ADNP: variants seen among roughly 807,000 people sequenced by gnomAD.
ADNP encodes activity-dependent neuroprotector homeobox protein.
ADNP carries 4 observed loss-of-function variants against 84.9 expected under a neutral mutation model. The observed-to-expected ratio is 0.05, with a 90% CI of 0.02 to 0.11. The LOEUF (loss-of-function observed/expected upper bound fraction) is 0.11. ADNP is among the 10% of genes least tolerant of loss of function. The pLI is 1.00. For missense variants in ADNP, 1,132 were observed against 1,326.0 expected, an observed-to-expected ratio of 0.85 and a Z score of 2.27; for synonymous variants, 554 against 468.1, an observed-to-expected ratio of 1.18 and a Z score of -2.37.
intron 5 of ADNP, among the ~76,000 whole-genome samples, chr20:50,899,951 C>G (rs1174609194): frequency 1.4e-5 from 2 of 146,440 alleles, no homozygotes; most frequent in Non-Finnish European, 3.0e-5. Flanking sequence ...TGGAAGGGGA[C>G]CCGGGCAGGT....
intron 2 of ADNP, chr20:50,905,512 A>G (rs944094261): frequency 3.9e-5 from 6 of 152,242 alleles, no homozygotes; most frequent in African/African-American, 1.4e-4. Flanking sequence ...AAAAATGGAA[A>G]ATAAAAGGAG....
At chr20:50,919,173 C>T (rs909700089) in intron 2 of ADNP, among the ~76,000 whole-genome samples, 1 of 151,884 alleles carries the variant, frequency 6.6e-6, no homozygotes, top group Non-Finnish European at 1.5e-5. Context: ...TGCAGCAGGA[C>T]AAGGGTGCCA....
At position 50,914,337 on chromosome 20, in the gene ADNP, G is replaced by A. The variant is rs570992327; in HGVS notation, c.-89-9488C>T. 7.5e-6 allele frequency: 5 copies of A among 670,042 alleles called. No homozygotes were observed. In the South Asian group the frequency reaches 8.3e-5, roughly 11 times the overall value. 41.5% of individuals were successfully genotyped at this position (670,042 alleles called of 1,614,324 possible). A position where few individuals can be genotyped will look rare whatever the true frequency, so the allele number is the denominator to read the frequency against. ...TTTACATAGAGAATAAAGAAGAAAA[G>A]AAACCCCACAAGTGGCCAAAGGTGC... On this transcript the variant is annotated intron_variant, in intron 2 of 5. Coordinates refer to ENST00000621696, the MANE Select transcript of ADNP (RefSeq NM_001282531.3).
chr20:50,917,688 G>C (rs980774977), intron 2 of ADNP, among the ~76,000 whole-genome samples: 2 of 152,158 alleles, frequency 1.3e-5, no homozygotes, highest in Non-Finnish European at 2.9e-5. Flanking sequence ...GTCAAACTGG[G>C]AGAACAGTAA....
Position 50,894,504 on chromosome 20 carries a change from C to T in ADNP, c.210G>A (p.Arg70=), listed in dbSNP as rs1308332436. Residue 70 remains arginine, a synonymous_variant, in exon 6 of 6, where the codon CGG becomes CGA. Coordinates refer to ENST00000621696, the MANE Select transcript of ADNP (RefSeq NM_001282531.3). Reference sequence around the variant, plus strand: ...AAGCGCTGCAGCAGAAAGGTTTTGTCCGATAGTCCTAAAGTAAACACAAAA... The same window carrying T: ...AAGCGCTGCAGCAGAAAGGTTTTGTTCGATAGTCCTAAAGTAAACACAAAA... ...DPSLTKNQDY[R]TKPFCCSACP... 2.5e-6 allele frequency: 4 copies of T among 1,590,280 alleles called. No individual in the cohort carries two copies. The African/African-American group carries it at 4.1e-5, about 16-fold the overall frequency.
intron 2 of ADNP, among the ~76,000 whole-genome samples, chr20:50,919,815 CTA>C (rs1983817168): frequency 6.6e-6 from 1 of 152,076 alleles, no homozygotes; most frequent in Non-Finnish European, 1.5e-5. Context: ...AGAATGGTTG[CTA>C]TGTCAAGCTT....
intron 3 of ADNP, 37 bp from the exon 4 acceptor site, chr20:50,904,038 C>T (rs767611368): frequency 8.2e-6 from 12 of 1,465,180 alleles, no homozygotes; most frequent in Middle Eastern, 2.1e-4. Flanking sequence ...AGTCAAAACA[C>T]GTACAACTTG....
intron 2 of ADNP, among the ~76,000 whole-genome samples, chr20:50,906,701 T>C (rs923599490): frequency 1.6e-4 from 24 of 152,316 alleles, no homozygotes; most frequent in African/African-American, 5.5e-4. Flanking sequence ...AGATGAAGCA[T>C]CTCACTGCCT....
chr20:50,929,949 G>A (rs973554289), intron 1 of ADNP, among the ~76,000 whole-genome samples: 1 of 151,968 alleles, frequency 6.6e-6, no homozygotes, highest in African/African-American at 2.4e-5. Flanking sequence ...GTGTGTGTGT[G>A]GCTAAAAAGG....
chr20:50,930,790 G>A (rs924566399), intron 1 of ADNP, 36 bp downstream of exon 1: 2 of 149,820 alleles, frequency 1.3e-5, no homozygotes, highest in South Asian at 1.8e-4. Flanking sequence ...AGGCAGGGCA[G>A]GGCCGCGGGT....
At chr20:50,906,355 T>C (rs770579350) in intron 2 of ADNP, among the ~76,000 whole-genome samples, 45 of 152,206 alleles carry the variant, frequency 3.0e-4, no homozygotes, top group Admixed American at 7.9e-4. Flanking sequence ...TGCCCACAGA[T>C]ACCTAAGACT....
chr20:50,896,573 A>T (rs1981418424), intron 5 of ADNP, among the ~76,000 whole-genome samples: 1 of 152,218 alleles, frequency 6.6e-6, no homozygotes, highest in Admixed American at 6.5e-5. Flanking sequence ...AAAAAACCAA[A>T]AACTTTAAAA....
chr20:50,915,707 G>C (rs1983457889), intron 2 of ADNP, among the ~76,000 whole-genome samples: 1 of 152,166 alleles, frequency 6.6e-6, no homozygotes, highest in Non-Finnish European at 1.5e-5. Context: ...AAACTGTGCA[G>C]CAAGACAGAG....
chr20:50,893,131 G>C lies in ADNP; in HGVS notation c.1583C>G (p.Ala528Gly). The stretch of plus-strand genomic sequence containing the variant: ...AATGTGAACCATCCGCATGTGTGCG[G>C]CCATCTTTTCCACATCATTGAAAGT... ...RSTFNDVEKM[A>G]AHMRMVHIDE... The change falls in exon 6 of 6, where the codon GCC (alanine) becomes GGC (glycine). Residue 528 changes from alanine (A) to glycine (G), a missense_variant. By Grantham distance (60) the Ala-to-Gly change is moderately conservative. Transcript: ENST00000621696. The surrounding 1 kb of genome is among the most constrained non-coding windows in gnomAD (Gnocchi z 4.4). 6.2e-7 allele frequency: 1 copy of C among 1,614,196 alleles called. No homozygotes were observed. Among genetic ancestry groups the C allele is most frequent in the Non-Finnish European group, 8.5e-7 (1 of 1,180,042 alleles).
intron 5 of ADNP, among the ~76,000 whole-genome samples, chr20:50,899,030 A>C (rs1981693839): frequency 6.6e-6 from 1 of 152,156 alleles, no homozygotes; most frequent in African/African-American, 2.4e-5. Flanking sequence ...CTTCAACAAC[A>C]TAGGTTTGAA....
Position 50,890,194 on chromosome 20 carries a change from G to C in ADNP, c.*1211C>G, listed in dbSNP as rs1197447818. On this transcript the variant is annotated 3_prime_UTR_variant, in exon 6 of 6. Coordinates refer to ENST00000621696, the MANE Select transcript of ADNP (RefSeq NM_001282531.3). ...AGATTTTGTACCAGGTGCCTCAAGAGAAAGCATTCTATTTGCAGATGACAG... is the reference window on the plus strand; with the variant it reads ...AGATTTTGTACCAGGTGCCTCAAGACAAAGCATTCTATTTGCAGATGACAG... 2 of 226,222 alleles carry C rather than the reference G, an allele frequency of 8.8e-6. No homozygotes were observed. Among genetic ancestry groups the C allele is most frequent in the Non-Finnish European group, 1.6e-5 (2 of 124,120 alleles). The allele number at this position is 226,222 out of a possible 1,614,324, so 14.0% of individuals were successfully genotyped here.
intron 5 of ADNP, among the ~76,000 whole-genome samples, chr20:50,896,938 A>G (rs980288137): frequency 1.3e-5 from 2 of 152,100 alleles, no homozygotes; most frequent in African/African-American, 2.4e-5. Flanking sequence ...ATGTTTTCAA[A>G]CTTTTTTGTT....
At chr20:50,894,601 G>T in intron 5 of ADNP, 89 bp from the exon 6 acceptor site, 1 of 1,423,878 alleles carries the variant, frequency 7.0e-7, no homozygotes, top group South Asian at 1.4e-5. Flanking sequence ...TCTTAATAAT[G>T]CATTGATTTT....
intron 2 of ADNP, among the ~76,000 whole-genome samples, chr20:50,906,721 T>A (rs61258878): frequency 2.6e-5 from 4 of 152,144 alleles, no homozygotes; most frequent in African/African-American, 9.7e-5. Context: ...TGGTAGGTAT[T>A]TTTTTCTGAA....
Sources: gnomAD v4.1 joint callset for allele counts (sites outside exome capture counted in the v4.1 genomes callset) on GRCh38, gnomAD v4.1.1 for gene constraint, Gnocchi (gnomAD v3.1) non-coding constraint, MANE v1.5 for transcripts, NCBI Gene and HGNC (gene_info 2026-07-23, HGNC 2026-07-21) for gene names.